Variants in VWA8 observed in about 807,000 individuals in gnomAD.
The protein encoded by VWA8 is von Willebrand factor A domain-containing protein 8.
In VWA8, 221 loss-of-function variants were observed where a neutral mutation model predicts 241.5. That is an observed-to-expected ratio of 0.91 (90% CI 0.82 to 1.02). The LOEUF is 1.02. Ranked by LOEUF, VWA8 falls within the 50% of genes least tolerant of loss-of-function variation. The probability of loss-of-function intolerance (pLI) is 0.00; values close to 1 mark genes in which losing one functional copy is unlikely to be tolerated. For missense variants in VWA8, 2,322 were observed against 2,328.7 expected, an observed-to-expected ratio of 1.00 and a Z score of 0.06; for synonymous variants, 852 against 827.1, an observed-to-expected ratio of 1.03 and a Z score of -0.52.
At chr13:41,629,323 T>C (rs2044712315) in intron 37 of VWA8, among the ~76,000 whole-genome samples, 1 of 152,094 alleles carries the variant, frequency 6.6e-6, no homozygotes, top group African/African-American at 2.4e-5. Context: ...ATGTACCCTC[T>C]GAACCTAAAA....
intron 2 of VWA8, among the ~76,000 whole-genome samples, chr13:41,942,718 A>C (rs1281052178): frequency 6.6e-6 from 1 of 152,180 alleles, no homozygotes; most frequent in African/African-American, 2.4e-5. Flanking sequence ...ACCTTTCCCT[A>C]GTGCAAGGCA....
At chr13:41,582,411 C>T (rs1205824256) in intron 42 of VWA8, among the ~76,000 whole-genome samples, 7 of 152,092 alleles carry the variant, frequency 4.6e-5, no homozygotes, top group Admixed American at 2.6e-4. Flanking sequence ...ACCAGGCCAG[C>T]GGCTTCTGAA....
At chr13:41,614,636 C>A (rs1185122474) in intron 38 of VWA8, among the ~76,000 whole-genome samples, 1 of 152,178 alleles carries the variant, frequency 6.6e-6, no homozygotes, top group African/African-American at 2.4e-5. Context: ...ATTCTTCATG[C>A]CAGGCACTGT....
chr13:41,857,031 C>T (rs1398025639), intron 12 of VWA8, among the ~76,000 whole-genome samples: 1 of 152,084 alleles, frequency 6.6e-6, no homozygotes. Flanking sequence ...GTATTTGAGA[C>T]TTGAAGTATA....
intron 4 of VWA8, among the ~76,000 whole-genome samples, chr13:41,898,903 G>A (rs889510135): frequency 0.053 from 2 of 38 alleles, no homozygotes; most frequent in Non-Finnish European, 0.11. Context: ...ACGCCCACCC[G>A]GAACTCCAAG....
intron 1 of VWA8, among the ~76,000 whole-genome samples, chr13:41,952,238 G>C (rs1343759936): frequency 2.0e-5 from 3 of 152,144 alleles, no homozygotes; most frequent in African/African-American, 7.2e-5. Flanking sequence ...GATCTCTAAT[G>C]CATGTTTGAG....
At chr13:41,575,917 T>C in intron 42 of VWA8, 79 bp from the exon 43 acceptor site, 1 of 1,077,996 alleles carries the variant, frequency 9.3e-7, no homozygotes, top group Admixed American at 2.1e-5. Context: ...TTCAACTCTT[T>C]GGACCATTAT....
chr13:41,912,275 A>G, intron 2 of VWA8, 107 bp from the exon 3 acceptor site: 3 of 822,986 alleles, frequency 3.6e-6, no homozygotes, highest in Non-Finnish European at 4.9e-6. Context: ...TATATAAAAT[A>G]TGTGTTTATC....
chr13:41,592,395 C>T (rs1350839638), intron 40 of VWA8, among the ~76,000 whole-genome samples: 1 of 149,546 alleles, frequency 6.7e-6, no homozygotes, highest in Non-Finnish European at 1.5e-5. Flanking sequence ...TGCAGCGCAC[C>T]AGCATGGCAC....
In VWA8 at chr13:41,692,816, T is replaced by A. The variant is rs530256536; in HGVS notation, c.3675+46A>T. The A allele has an allele frequency of 3.3e-6, 5 of 1,496,862 alleles. No individual in the cohort carries two copies. In the South Asian group the frequency reaches 5.7e-5, roughly 17 times the overall value. The allele number at this position is 1,496,862 out of a possible 1,614,324, so 92.7% of individuals were successfully genotyped here. On this transcript the variant is annotated intron_variant, in intron 30 of 44. Transcript: ENST00000379310. Reference sequence around the variant, plus strand: ...GCATGCATCTTTCTGGTTAGAAAGCTATAGAAATCCTTGGCAATTTGTGGG... The same window carrying A: ...GCATGCATCTTTCTGGTTAGAAAGCAATAGAAATCCTTGGCAATTTGTGGG...
At chr13:41,755,944 G>A (rs925873303) in intron 21 of VWA8, among the ~76,000 whole-genome samples, 37 of 151,446 alleles carry the variant, frequency 2.4e-4, no homozygotes, top group Admixed American at 2.0e-3. Flanking sequence ...GAAATCGAAC[G>A]AAAACAAAAG....
At chr13:41,749,777 T>C (rs2045640402) in intron 21 of VWA8, among the ~76,000 whole-genome samples, 1 of 151,508 alleles carries the variant, frequency 6.6e-6, no homozygotes, top group Non-Finnish European at 1.5e-5. Context: ...ACACCCCATG[T>C]TCTCACTCAT....
intron 37 of VWA8, among the ~76,000 whole-genome samples, chr13:41,630,920 C>A (rs2044721875): frequency 6.6e-6 from 1 of 152,078 alleles, no homozygotes; most frequent in Non-Finnish European, 1.5e-5. Flanking sequence ...CAATCTTTTC[C>A]ACAGTAAAGT....
At chr13:41,603,270 G>A (rs2044533110) in intron 40 of VWA8, among the ~76,000 whole-genome samples, 1 of 152,120 alleles carries the variant, frequency 6.6e-6, no homozygotes. Flanking sequence ...TCACTGTTGT[G>A]GTGATTAGTG....
At chr13:41,946,505 C>T (rs550714383) in intron 2 of VWA8, among the ~76,000 whole-genome samples, 8 of 152,050 alleles carry the variant, frequency 5.3e-5, no homozygotes, top group Admixed American at 1.3e-4. Flanking sequence ...GTTTGTATGA[C>T]AATAATAGCA....
chr13:41,642,725 T>C (rs1394022844), intron 37 of VWA8, among the ~76,000 whole-genome samples: 5 of 151,556 alleles, frequency 3.3e-5, no homozygotes, highest in African/African-American at 1.2e-4. Context: ...GGTCAAGAGT[T>C]TGAGACCAGC....
At chr13:41,644,823 T>A (rs2139683774) in intron 37 of VWA8, among the ~76,000 whole-genome samples, 1 of 152,356 alleles carries the variant, frequency 6.6e-6, no homozygotes, top group Non-Finnish European at 1.5e-5. Flanking sequence ...AGAAGTTAGG[T>A]GATGTTTTTG....
intron 37 of VWA8, among the ~76,000 whole-genome samples, chr13:41,656,476 A>C (rs1230173589): frequency 2.6e-5 from 4 of 152,214 alleles, no homozygotes; most frequent in Non-Finnish European, 5.9e-5. Context: ...TTATGCTACC[A>C]GAACACTGTC....
At chr13:41,717,285 TTTTAAA>T (rs1375708486) in intron 26 of VWA8, among the ~76,000 whole-genome samples, 1 of 151,770 alleles carries the variant, frequency 6.6e-6, no homozygotes, top group African/African-American at 2.4e-5. Context: ...TCCTTAATAT[TTTTAAA>T]TATTTGAATA....
Sources: allele counts gnomAD v4.1 joint callset (sites outside exome capture counted in the v4.1 genomes callset), GRCh38; gene constraint gnomAD v4.1.1; transcripts MANE v1.5; gene names NCBI Gene and HGNC (gene_info 2026-07-23, HGNC 2026-07-21).